The following CDKL5 variants were observed in gnomAD, a reference collection of about 807,000 sequenced individuals.
CDKL5 encodes the protein cyclin-dependent kinase-like 5.
In CDKL5, 8 loss-of-function variants were observed where a neutral mutation model predicts 61.7. The ratio of observed to expected loss-of-function variants is 0.13; its 90% confidence interval spans 0.08 to 0.23. The LOEUF is 0.23. CDKL5 is among the 10% of genes least tolerant of loss of function. The pLI, the probability that CDKL5 is intolerant of heterozygous loss-of-function variation, is 1.00. For synonymous variants in CDKL5, 275 were observed against 272.3 expected (o/e 1.01, Z -0.10); for missense variants, 440 against 734.5 (o/e 0.60, Z 4.63).
chrX:18,581,304 A>T, intron 6 of CDKL5, among the ~76,000 whole-genome samples: 1 of 112,054 alleles, frequency 8.9e-6, no homozygotes, highest in Non-Finnish European at 1.9e-5. Context: ...CCACATCTTC[A>T]TAACATCCAT....
At position 18,579,986 on chromosome X, in the gene CDKL5, A is replaced by T; in HGVS notation, c.403+18A>T. ...CCATCGAGGTGAGTATGAGATTTTT[A>T]AAATGGAAAATATTAAAACATCAAA... On this transcript the variant is annotated intron_variant, in intron 6 of 17. Coordinates refer to ENST00000623535, the MANE Select transcript of CDKL5 (RefSeq NM_001323289.2). 1 of 1,148,184 alleles carries T rather than the reference A, an allele frequency of 8.7e-7. No homozygotes were observed. Among genetic ancestry groups the T allele is most frequent in the South Asian group, 1.8e-5 (1 of 54,944 alleles). 94.6% of individuals were successfully genotyped at this position (1,148,184 alleles called of 1,213,427 possible). A position where few individuals can be genotyped will look rare whatever the true frequency, so the allele number is the denominator to read the frequency against.
intron 1 of CDKL5, among the ~76,000 whole-genome samples, chrX:18,461,758 A>G (rs774407216): frequency 2.8e-4 from 32 of 112,428 alleles, no homozygotes; most frequent in African/African-American, 1.0e-3. Flanking sequence ...GATATTTGCA[A>G]GGTTCTGTGC....
intron 15 of CDKL5, among the ~76,000 whole-genome samples, chrX:18,613,755 G>A (rs775983389): frequency 2.4e-4 from 27 of 111,417 alleles, no homozygotes; most frequent in Non-Finnish European, 4.0e-4. Flanking sequence ...AATGGGCTCC[G>A]ACTCCAGAGC....
At chrX:18,528,846 G>A (rs1923541874) in intron 3 of CDKL5, among the ~76,000 whole-genome samples, 1 of 110,650 alleles carries the variant, frequency 9.0e-6, no homozygotes, top group Admixed American at 9.7e-5. Context: ...TGTTGCCCAG[G>A]CTGGTCTCAA....
intron 16 of CDKL5, among the ~76,000 whole-genome samples, chrX:18,622,650 AG>A (rs1398919690): frequency 8.9e-6 from 1 of 112,368 alleles, no homozygotes; most frequent in African/African-American, 3.2e-5. Flanking sequence ...GTTAAAGCTG[AG>A]GTGGATCCTA....
At position 18,635,327 on chromosome X, in the gene CDKL5, C is replaced by G; in HGVS notation, c.*6570C>G. ...ATCAGCATGAAATGGTTAATTTTTACTGAGCACAATGTATTTTTGAATGGA... is the reference window on the plus strand; with the variant it reads ...ATCAGCATGAAATGGTTAATTTTTAGTGAGCACAATGTATTTTTGAATGGA... On this transcript the variant is annotated 3_prime_UTR_variant, in exon 18 of 18. Coordinates refer to ENST00000623535, the MANE Select transcript of CDKL5 (RefSeq NM_001323289.2). 1 of 751,854 alleles carries G rather than the reference C, an allele frequency of 1.3e-6. No homozygotes were observed. Among genetic ancestry groups the G allele is most frequent in the Non-Finnish European group, 1.6e-6 (1 of 637,232 alleles). The allele number at this position is 751,854 out of a possible 1,213,427, so 62.0% of individuals were successfully genotyped here. A position where few individuals can be genotyped will look rare whatever the true frequency, so the allele number is the denominator to read the frequency against.
chrX:18,466,011 T>C (rs1395082994), intron 1 of CDKL5, among the ~76,000 whole-genome samples: 1 of 111,944 alleles, frequency 8.9e-6, no homozygotes, highest in Non-Finnish European at 1.9e-5. Context: ...TTAACTTTTG[T>C]ATCCCTCAGC....
chrX:18,460,184 C>G (rs945398635), intron 1 of CDKL5, among the ~76,000 whole-genome samples: 1 of 108,411 alleles, frequency 9.2e-6, no homozygotes, highest in South Asian at 3.8e-4. Flanking sequence ...GCGTGAGCCA[C>G]CGCACTCGGC....
In CDKL5 at chrX:18,429,766, C is replaced by T. The variant is rs972990446; in HGVS notation, c.-163+4071C>T. 3.0e-4 allele frequency among the ~76,000 whole-genome samples: 34 copies of T among 111,709 alleles called. 2 individuals are homozygous for T. Among genetic ancestry groups the T allele is most frequent in the Non-Finnish European group, 1.9e-5 (1 of 53,214 alleles). On this transcript the variant is annotated intron_variant, in intron 1 of 17. Transcript: ENST00000623535. The stretch of plus-strand genomic sequence containing the variant: ...TCCTCCCATCTCAGCCTCCTAGTAG[C>T]TGGAGACTACAGGCACGTGCTCCCA...
At chrX:18,504,569 A>G (rs1196313934) in intron 1 of CDKL5, among the ~76,000 whole-genome samples, 1 of 111,984 alleles carries the variant, frequency 8.9e-6, no homozygotes, top group Non-Finnish European at 1.9e-5. Flanking sequence ...TTACATTTCT[A>G]CCATCAGTGT....
chrX:18,551,369 T>G (rs1291921858), intron 3 of CDKL5, among the ~76,000 whole-genome samples: 1 of 109,188 alleles, frequency 9.2e-6, no homozygotes, highest in Admixed American at 9.9e-5. Context: ...CCCTTCAGGC[T>G]GATACTATAA....
intron 9 of CDKL5, among the ~76,000 whole-genome samples, chrX:18,593,266 G>A (rs1925886148): frequency 8.9e-6 from 1 of 112,062 alleles, no homozygotes; most frequent in Non-Finnish European, 1.9e-5. Flanking sequence ...TTTCATATTA[G>A]AATGGTAGGT....
At chrX:18,467,024 C>T (rs1920966943) in intron 1 of CDKL5, among the ~76,000 whole-genome samples, 1 of 111,512 alleles carries the variant, frequency 9.0e-6, no homozygotes, top group Non-Finnish European at 1.9e-5. Flanking sequence ...GAGGAAAATA[C>T]CAAATTGACT....
At chrX:18,507,310 C>T (rs1922613815) in intron 2 of CDKL5, 150 bp downstream of exon 2, 3 of 419,963 alleles carry the variant, frequency 7.1e-6, no homozygotes, top group Non-Finnish European at 1.2e-5. Context: ...TAAAATTACT[C>T]TTAAACAATT....
At position 18,635,301 on chromosome X, in the gene CDKL5, T is replaced by G. The variant is rs890056183; in HGVS notation, c.*6544T>G. ...ATATCTATTCCGTGATAACCTTCAT[T>G]ATCAGCATGAAATGGTTAATTTTTA... is the stretch of plus-strand genomic sequence containing the variant. On this transcript the variant is annotated 3_prime_UTR_variant, in exon 18 of 18. Coordinates refer to ENST00000623535, the MANE Select transcript of CDKL5 (RefSeq NM_001323289.2). The G allele has an allele frequency of 1.3e-6, 1 of 747,532 alleles. No individual in the cohort carries two copies. The highest frequency in any genetic ancestry group is 1.6e-6 in the Non-Finnish European group (1 of 633,199). The allele number at this position is 747,532 out of a possible 1,213,427, so 61.6% of individuals were successfully genotyped here.
intron 3 of CDKL5, among the ~76,000 whole-genome samples, chrX:18,517,858 A>T (rs1314397607): frequency 9.0e-6 from 1 of 111,121 alleles, no homozygotes; most frequent in Non-Finnish European, 1.9e-5. Flanking sequence ...ATACAAAAAA[A>T]TTTGCTGGGC....
At chrX:18,473,047 C>T (rs953587973) in intron 1 of CDKL5, among the ~76,000 whole-genome samples, 1 of 107,036 alleles carries the variant, frequency 9.3e-6, no homozygotes, top group Non-Finnish European at 1.9e-5. Context: ...CCTCTGTCTC[C>T]TGGATGCAAG....
At chrX:18,530,488 TAC>T (rs777256668) in intron 3 of CDKL5, among the ~76,000 whole-genome samples, 1 of 112,073 alleles carries the variant, frequency 8.9e-6, no homozygotes, top group Admixed American at 9.5e-5. Context: ...TCATTTTTGT[TAC>T]AGTGATTTTG....
intron 1 of CDKL5, among the ~76,000 whole-genome samples, chrX:18,502,836 T>G (rs1349231618): frequency 8.9e-6 from 1 of 112,071 alleles, no homozygotes; most frequent in Non-Finnish European, 1.9e-5. Flanking sequence ...GTAACTTTTC[T>G]TATCTTTCTT....
Sources: gnomAD v4.1 joint callset for allele counts (sites outside exome capture counted in the v4.1 genomes callset) on GRCh38, gnomAD v4.1.1 for gene constraint, MANE v1.5 for transcripts, NCBI Gene and HGNC (gene_info 2026-07-23, HGNC 2026-07-21) for gene names.